Variants in TEX15 observed in about 807,000 individuals in gnomAD.
TEX15 encodes the protein testis expressed 15, meiosis and synapsis associated.
In TEX15, 171 loss-of-function variants were observed where a neutral mutation model predicts 237.3. That is an observed-to-expected ratio of 0.72 (90% CI 0.64 to 0.82). The LOEUF is 0.82. TEX15 is among the 40% of genes least tolerant of loss of function. The pLI, the probability that TEX15 is intolerant of heterozygous loss-of-function variation, is 0.00. For synonymous variants in TEX15, 1,338 were observed against 1,269.8 expected, an observed-to-expected ratio of 1.05 and a Z score of -1.14; for missense variants, 3,750 against 3,646.5, an observed-to-expected ratio of 1.03 and a Z score of -0.73.
At chr8:30,860,349 C>CA (rs1319323418) in intron 5 of TEX15, among the ~76,000 whole-genome samples, 1 of 151,714 alleles carries the variant, frequency 6.6e-6, no homozygotes, top group Middle Eastern at 3.2e-3. Flanking sequence ...CTGGGTCAAG[C>CA]AATTCTCCTG....
At chr8:30,891,283 A>C (rs1457546596) in intron 2 of TEX15, among the ~76,000 whole-genome samples, 1 of 151,690 alleles carries the variant, frequency 6.6e-6, no homozygotes, top group Non-Finnish European at 1.5e-5. Context: ...CCAATGGCTA[A>C]GTAGCTAGGA....
rs934137430 is a variant in TEX15 at position 30,888,689 on chromosome 8, A to T, written c.-9-1378T>A. ...TGACACCTATCAACTGCTTAGTTCC[A>T]ACATTAGATCACAATCCAAATTAAA... On this transcript the variant is annotated intron_variant, in intron 2 of 10. Coordinates refer to ENST00000643185, the MANE Select transcript of TEX15 (RefSeq NM_001350162.2). 3 of 1,279,842 alleles carry T rather than the reference A, an allele frequency of 2.3e-6. No homozygotes were observed. In the Admixed American group the frequency reaches 6.9e-5, roughly 29 times the overall value. 79.3% of individuals were successfully genotyped at this position (1,279,842 alleles called of 1,614,324 possible).
chr8:30,898,662 T>C (rs1379077343), intron 2 of TEX15, 80 bp downstream of exon 2: 1 of 152,178 alleles, frequency 6.6e-6, no homozygotes, highest in Non-Finnish European at 1.5e-5. Flanking sequence ...GAATTATTTA[T>C]AAATCAATTG....
In TEX15 at chr8:30,836,701, T is replaced by C. The variant is rs572020875; in HGVS notation, c.9481+102A>G. 2.5e-5 allele frequency: 27 copies of C among 1,064,552 alleles called. No homozygotes were observed. In the African/African-American group the frequency reaches 4.3e-4, roughly 17 times the overall value. The allele number at this position is 1,064,552 out of a possible 1,614,324, so 65.9% of individuals were successfully genotyped here. On this transcript the variant is annotated intron_variant, in intron 10 of 10. Coordinates refer to ENST00000643185, the MANE Select transcript of TEX15 (RefSeq NM_001350162.2). ...AATCTGTACAGAAAAATGACTGCTC[T>C]TTCTCCCTCTAACTCATCACTTACT...
rs767965481 is a variant in TEX15, at chr8:30,837,490, A to G, written c.8794T>C (p.Ser2932Pro). 6.2e-7 allele frequency: 1 copy of G among 1,613,658 alleles called. No homozygotes were observed. The highest frequency in any genetic ancestry group is 8.5e-7 in the Non-Finnish European group (1 of 1,179,630). ...DIVNSSIKNS[S>P]CMTSPEPICI... The stretch of plus-strand genomic sequence containing the variant: ...ATGGGTTCTGGAGAAGTCATGCATG[A>G]GGAATTTTTAATAGATGAATTTACT... The change falls in exon 10 of 11, where the codon TCA becomes CCA. Residue 2932 changes from serine (S) to proline (P), a missense_variant. Physicochemically the swap from Ser to Pro is moderately conservative, Grantham distance 74. Coordinates refer to ENST00000643185, the MANE Select transcript of TEX15 (RefSeq NM_001350162.2).
At chr8:30,903,922 T>A (rs535767867) in intron 1 of TEX15, among the ~76,000 whole-genome samples, 11 of 152,330 alleles carry the variant, frequency 7.2e-5, no homozygotes, top group Non-Finnish European at 1.5e-4. Flanking sequence ...AGATCAATCA[T>A]GTACAACCCC....
rs529076201 is a variant in TEX15 at position 30,876,214 on chromosome 8, G to T, written c.137-1112C>A. ...CCAATCTCATCAGTTTTGAAAACTT[G>T]TTCTTCCATTTTCCTATGTGACATT... On this transcript the variant is annotated intron_variant, in intron 3 of 10. Transcript: ENST00000643185. Among the ~76,000 whole-genome samples, 4 of 152,236 alleles carry T rather than the reference G, an allele frequency of 2.6e-5. No homozygotes were observed. In the South Asian group the frequency reaches 8.3e-4, roughly 32 times the overall value.
chr8:30,844,554 CTCAGTAT>C lies in TEX15; in HGVS notation c.5606_5612del (p.Asn1869SerfsTer15). 1 of 1,612,262 alleles carries C rather than the reference CTCAGTAT, an allele frequency of 6.2e-7. No homozygotes were observed. Among genetic ancestry groups the C allele is most frequent in the Non-Finnish European group, 8.5e-7 (1 of 1,179,378 alleles). ...AGATCTGATTCTTTTGATTTTTGTA[CTCAGTAT>C]TAACAGTTGATCCTTCAGTCATGCT... On this transcript the variant is annotated frameshift_variant, in exon 8 of 11. Coordinates refer to ENST00000643185, the MANE Select transcript of TEX15 (RefSeq NM_001350162.2). LOFTEE classifies it high-confidence loss of function.
Position 30,855,549 on chromosome 8 carries a change from T to C in TEX15, c.850+3119A>G, listed in dbSNP as rs554059742. 3.9e-5 allele frequency among the ~76,000 whole-genome samples: 6 copies of C among 152,320 alleles called. No individual in the cohort carries two copies. The South Asian group carries it at 1.0e-3, about 26-fold the overall frequency. ...ATAGTCTGGCAGTTCCTTGATTAGT[T>C]ACTACAGAGTCTTCATATAACCCAG... On this transcript the variant is annotated intron_variant, in intron 7 of 10. Transcript: ENST00000643185.
chr8:30,892,430 G>T (rs534324878), intron 2 of TEX15, among the ~76,000 whole-genome samples: 5 of 151,872 alleles, frequency 3.3e-5, no homozygotes, highest in African/African-American at 1.2e-4. Flanking sequence ...AACAAATCTT[G>T]TTCTTCCACA....
chr8:30,849,430 G>A (rs1358212232), intron 7 of TEX15, 114 bp from the exon 8 acceptor site: 5 of 580,042 alleles, frequency 8.6e-6, no homozygotes, highest in Non-Finnish European at 1.4e-5. Context: ...ATAACCTAAT[G>A]ATGATTAAAA....
In TEX15 at chr8:30,845,609, G is replaced by C; in HGVS notation, c.4558C>G (p.Pro1520Ala). The change falls in exon 8 of 11, where the codon CCT becomes GCT. Residue 1520 changes from proline (P) to alanine (A), a missense_variant. By Grantham distance (27) the Pro-to-Ala change is conservative. Transcript: ENST00000643185. ...CNQEHPESQL[P>A]VSSTSQSTSQ... ...GTACTTTGGGATGTGGAGGATACAG[G>C]CAACTGTGATTCAGGATGTTCTTGA... The C allele has an allele frequency of 6.2e-7, 1 of 1,613,608 alleles. No individual in the cohort carries two copies. The highest frequency in any genetic ancestry group is 8.5e-7 in the Non-Finnish European group (1 of 1,179,630).
intron 3 of TEX15, among the ~76,000 whole-genome samples, chr8:30,885,728 T>C (rs1808633670): frequency 6.6e-6 from 1 of 152,230 alleles, no homozygotes; most frequent in Admixed American, 6.5e-5. Context: ...TTATATCAAG[T>C]TGACTGATGG....
chr8:30,848,381 C>G lies in TEX15; in HGVS notation c.1786G>C (p.Gly596Arg), dbSNP rs750159180. Residue 596 changes from glycine (G) to arginine (R), a missense_variant, in exon 8 of 11, where the codon GGT (glycine) becomes CGT (arginine). Gly to Arg is a moderately radical substitution (Grantham distance 125). Coordinates refer to ENST00000643185, the MANE Select transcript of TEX15 (RefSeq NM_001350162.2). ...GGAAAAACTGTAGACGTTTGGCAAC[C>G]AGTCTGATAAATTGTTTTTAAATCA... ...SSDLKTIYQT[G>R]CQTSTVFPLK... The G allele has an allele frequency of 1.7e-5, 27 of 1,614,058 alleles. No individual in the cohort carries two copies. Among genetic ancestry groups the G allele is most frequent in the Non-Finnish European group, 2.2e-5 (26 of 1,180,000 alleles).
At chr8:30,889,939 A>ATATATATACG (rs1808754053) in intron 2 of TEX15, among the ~76,000 whole-genome samples, 1 of 126,018 alleles carries the variant, frequency 7.9e-6, no homozygotes, top group African/African-American at 3.8e-5. Context: ...ATATACATAT[A>ATATATATACG]TATATATATA....
Position 30,848,515 on chromosome 8 carries a change from A to G in TEX15, c.1652T>C (p.Val551Ala). The G allele has an allele frequency of 6.2e-7, 1 of 1,613,932 alleles. No individual in the cohort carries two copies. The highest frequency in any genetic ancestry group is 1.3e-5 in the African/African-American group (1 of 74,958). ...CTCCTCACTGTGGTTTTGGTTCTCA[A>G]CCTCTGACACTACATTTGACACAGA... ...PISVSNVVSE[V>A]ENQNHSEEKA... Residue 551 changes from valine to alanine, a missense_variant, in exon 8 of 11, where the codon GTT becomes GCT. Coordinates refer to ENST00000643185, the MANE Select transcript of TEX15 (RefSeq NM_001350162.2).
intron 3 of TEX15, among the ~76,000 whole-genome samples, chr8:30,885,977 G>A (rs1808638134): frequency 6.6e-6 from 1 of 152,116 alleles, no homozygotes; most frequent in East Asian, 1.9e-4. Flanking sequence ...AAAAGTGTCT[G>A]TAACTGCTTG....
chr8:30,872,817 C>T (rs573256345), intron 4 of TEX15, among the ~76,000 whole-genome samples: 3 of 151,940 alleles, frequency 2.0e-5, no homozygotes, highest in Non-Finnish European at 4.4e-5. Context: ...AGTTGCACAA[C>T]GTATTTGTGT....
At position 30,844,104 on chromosome 8, in the gene TEX15, C is replaced by CT; in HGVS notation, c.6062dup (p.Val2022GlyfsTer14). The CT allele has an allele frequency of 1.9e-6, 3 of 1,613,002 alleles. No individual in the cohort carries two copies. The South Asian group carries it at 3.3e-5, about 18-fold the overall frequency. On this transcript the variant is annotated frameshift_variant, in exon 8 of 11. Coordinates refer to ENST00000643185, the MANE Select transcript of TEX15 (RefSeq NM_001350162.2). LOFTEE classifies it high-confidence loss of function. ...ATAAAGGGAGAATATTTAGACAAAC[C>CT]TTAGTTTCTTCCTGTAGAATCTGCA...
Sources: allele counts gnomAD v4.1 joint callset (sites outside exome capture counted in the v4.1 genomes callset), GRCh38; gene constraint gnomAD v4.1.1; transcripts MANE v1.5; gene names NCBI Gene and HGNC (gene_info 2026-07-23, HGNC 2026-07-21).